The following TLE6 variants were observed in gnomAD, a reference collection of about 807,000 sequenced individuals.
TLE6 encodes transducin-like enhancer protein 6.
In TLE6, 72 loss-of-function variants were observed where a neutral mutation model predicts 77.1. That is an observed-to-expected ratio of 0.93 (90% CI 0.77 to 1.14). TLE6 has a LOEUF of 1.14. Ranked by LOEUF, TLE6 falls within the 50% of genes most tolerant of loss-of-function variation. TLE6 has a pLI of 0.00. For synonymous variants in TLE6, 366 were observed against 287.3 expected (o/e 1.27, Z -2.77); for missense variants, 843 against 747.6 (o/e 1.13, Z -1.49).
At position 2,986,716 on chromosome 19, in the gene TLE6, A is replaced by C. The variant is rs1248361329; in HGVS notation, c.223-113A>C. 3.5e-4 allele frequency: 394 copies of C among 1,141,012 alleles called. 2 individuals carry two copies. The highest frequency in any genetic ancestry group is 1.0e-5 in the Non-Finnish European group (8 of 802,744). The allele number at this position is 1,141,012 out of a possible 1,614,324, so 70.7% of individuals were successfully genotyped here. On this transcript the variant is annotated intron_variant, in intron 5 of 16. Transcript: ENST00000246112. ...GTGACAGAGTGAGACTCTGTCTCAA[A>C]AAAACAAGTAGATTGATATACCTTC...
At position 2,995,013 on chromosome 19, in the gene TLE6, G is replaced by A. The variant is rs1272045331; in HGVS notation, c.*9G>A. The stretch of plus-strand genomic sequence containing the variant: ...ACCAGATCACCTACTGAGGGGCCTC[G>A]CTGCTGTCATCCCACTCCGGCTCCT... On this transcript the variant is annotated 3_prime_UTR_variant, in exon 17 of 17. Transcript: ENST00000246112. 5 of 1,573,332 alleles carry A rather than the reference G, an allele frequency of 3.2e-6. No homozygotes were observed. Among genetic ancestry groups the A allele is most frequent in the African/African-American group, 2.7e-5 (2 of 74,060 alleles).
At chr19:2,980,916 T>C (rs2088785170) in intron 3 of TLE6, among the ~76,000 whole-genome samples, 1 of 151,258 alleles carries the variant, frequency 6.6e-6, no homozygotes, top group Non-Finnish European at 1.5e-5. Context: ...CTGAGTGTGG[T>C]GGTGCACACC....
At chr19:2,983,987 C>T (rs10425323) in intron 5 of TLE6, 5,929 of 152,328 alleles carry the variant, frequency 0.039, 406 homozygotes, top group African/African-American at 0.13. Context: ...CCAGCCCCCA[C>T]TGCAGGGGGC....
rs879326924 is a variant in TLE6 at position 2,978,138 on chromosome 19, C to T, written c.-36-60C>T. 9.5e-6 allele frequency: 13 copies of T among 1,367,316 alleles called. No individual in the cohort carries two copies. In the Admixed American group the frequency reaches 1.6e-4, roughly 17 times the overall value. 84.7% of individuals were successfully genotyped at this position (1,367,316 alleles called of 1,614,324 possible). ...TGCGGGTGGGGTAACGGGTGCCTTG[C>T]TTCCCTGGCACTGCCTTATTTTCTG... On this transcript the variant is annotated intron_variant, in intron 1 of 16. Coordinates refer to ENST00000246112, the MANE Select transcript of TLE6 (RefSeq NM_001143986.2).
chr19:2,978,380 C>A, intron 2 of TLE6, 96 bp downstream of exon 2: 1 of 1,241,874 alleles, frequency 8.1e-7, no homozygotes, highest in Non-Finnish European at 1.1e-6. Flanking sequence ...TGGCCCCGCC[C>A]AGGCCTCGCA....
At chr19:2,986,365 G>A (rs1284464673) in intron 5 of TLE6, among the ~76,000 whole-genome samples, 2 of 151,930 alleles carry the variant, frequency 1.3e-5, no homozygotes, top group African/African-American at 4.8e-5. Flanking sequence ...GCAGTGAGCT[G>A]TAATCGCACC....
At chr19:2,994,281 G>A (rs1167894824) in intron 16 of TLE6, among the ~76,000 whole-genome samples, 186 bp downstream of exon 16, 1 of 151,712 alleles carries the variant, frequency 6.6e-6, no homozygotes, top group African/African-American at 2.4e-5. Context: ...TTCGAGACCA[G>A]CCTGGCCAAC....
rs144994820 is a variant in TLE6 at position 2,995,056 on chromosome 19, T to TTCC, written c.*52_*53insTCC. On this transcript the variant is annotated 3_prime_UTR_variant, in exon 17 of 17. Coordinates refer to ENST00000246112, the MANE Select transcript of TLE6 (RefSeq NM_001143986.2). The stretch of plus-strand genomic sequence containing the variant: ...CGGCTCCTCTTTTCATCCCCCCCCT[T>TTCC]CCCCCCCCCCAACAAGGGGGACATG... The TTCC allele has an allele frequency of 1.2e-6, 1 of 827,280 alleles. No homozygotes were observed. Among genetic ancestry groups the TTCC allele is most frequent in the Non-Finnish European group, 1.9e-6 (1 of 533,534 alleles). 51.2% of individuals were successfully genotyped at this position (827,280 alleles called of 1,614,324 possible).
At chr19:2,984,158 G>T (rs1433184681) in intron 5 of TLE6, 2 of 152,280 alleles carry the variant, frequency 1.3e-5, no homozygotes, top group Non-Finnish European at 2.9e-5. Flanking sequence ...ACTCTCCCCC[G>T]GGAGGGCTGC....
In TLE6 at chr19:2,995,145, C is replaced by G. The variant is rs897061277; in HGVS notation, c.*141C>G. Reference sequence around the variant, plus strand: ...GATCTAGTCTGTGGTGTAGACTGGTCGCCATCACGTGTAATAAAGCACCCG... The same window carrying G: ...GATCTAGTCTGTGGTGTAGACTGGTGGCCATCACGTGTAATAAAGCACCCG... On this transcript the variant is annotated 3_prime_UTR_variant, in exon 17 of 17. Coordinates refer to ENST00000246112, the MANE Select transcript of TLE6 (RefSeq NM_001143986.2). 5.8e-5 allele frequency: 31 copies of G among 532,122 alleles called. No individual in the cohort carries two copies. Among genetic ancestry groups the G allele is most frequent in the East Asian group, 1.2e-4 (4 of 32,382 alleles). 33.0% of individuals were successfully genotyped at this position (532,122 alleles called of 1,614,324 possible). A position where few individuals can be genotyped will look rare whatever the true frequency, so the allele number is the denominator to read the frequency against.
At position 2,989,106 on chromosome 19, in the gene TLE6, T is replaced by G. The variant is rs776485299; in HGVS notation, c.786T>G (p.Asp262Glu). 1 of 1,614,178 alleles carries G rather than the reference T, an allele frequency of 6.2e-7. No homozygotes were observed. The highest frequency in any genetic ancestry group is 8.5e-7 in the Non-Finnish European group (1 of 1,180,052). ...EDFEDAWKRP[D>E]ALPGQSKRLA... ...TTGAAGATGCATGGAAGAGGCCAGA[T>G]GCCTTGCCCGGGCAGTCAAAGAGAC... The change falls in exon 12 of 17, where the codon GAT (aspartate) becomes GAG (glutamate). Residue 262 changes from aspartate (D) to glutamate (E), a missense_variant. Physicochemically the swap from Asp to Glu is conservative, Grantham distance 45. Transcript: ENST00000246112.
In TLE6 at chr19:2,989,042, CA is replaced by C; in HGVS notation, c.741-17del. 1.2e-6 allele frequency: 2 copies of C among 1,609,710 alleles called. No individual in the cohort carries two copies. Among genetic ancestry groups the C allele is most frequent in the Non-Finnish European group, 1.7e-6 (2 of 1,176,558 alleles). On this transcript the variant is annotated intron_variant, in intron 11 of 16. Transcript: ENST00000246112. The stretch of plus-strand genomic sequence containing the variant: ...GGGCTCACAAGCAGGTCAGTTACCC[CA>C]AGGCCTCCCCTCCCAAGATCCTGGG...
rs201015790 is a variant in TLE6, at chr19:2,989,636, G to A, written c.1095G>A (p.Ala365=). Residue 365 remains alanine, a synonymous_variant, in exon 13 of 17, where the codon GCG becomes GCA. Coordinates refer to ENST00000246112, the MANE Select transcript of TLE6 (RefSeq NM_001143986.2). Reference sequence around the variant, plus strand: ...CCAGCGTGAGCGTGTGGGACCTGGCGGCGCCCTCCCTGCATGTGAAGGAGC... The same window carrying A: ...CCAGCGTGAGCGTGTGGGACCTGGCAGCGCCCTCCCTGCATGTGAAGGAGC... The part of the protein sequence containing the change: ...NLASVSVWDL[A]APSLHVKEQL... The A allele has an allele frequency of 6.3e-4, 1,020 of 1,614,136 alleles. 1 individual carries two copies. Among genetic ancestry groups the A allele is most frequent in the Non-Finnish European group, 8.3e-4 (984 of 1,180,026 alleles).
chr19:2,994,923 G>T lies in TLE6; in HGVS notation c.1638G>T (p.Thr546=). 1 of 1,601,902 alleles carries T rather than the reference G, an allele frequency of 6.2e-7. No individual in the cohort carries two copies. Among genetic ancestry groups the T allele is most frequent in the Non-Finnish European group, 8.5e-7 (1 of 1,174,396 alleles). The change falls in exon 17 of 17, where the codon ACG becomes ACT. Residue 546 remains threonine, a synonymous_variant. Coordinates refer to ENST00000246112, the MANE Select transcript of TLE6 (RefSeq NM_001143986.2). ...VFEVPEMSPV[T]CCDVSSNNRL... The stretch of plus-strand genomic sequence containing the variant: ...AGGTGCCTGAGATGTCTCCAGTCAC[G>T]TGCTGTGACGTCTCTTCCAACAACC...
In TLE6 at chr19:2,989,232, T is replaced by C. The variant is rs111314562; in HGVS notation, c.912T>C (p.Cys304=). The C allele has an allele frequency of 6.2e-7, 1 of 1,614,052 alleles. No homozygotes were observed. ...ISSFTRHVFT[C]GRRGIKVWSL... is the part of the protein sequence containing the mutation. Reference sequence around the variant, plus strand: ...GCTTCACGCGGCACGTGTTCACCTGTGGCAGAAGAGGCATCAAGGTGTGGA... The same window carrying C: ...GCTTCACGCGGCACGTGTTCACCTGCGGCAGAAGAGGCATCAAGGTGTGGA... The change falls in exon 12 of 17, where the codon TGT becomes TGC. Residue 304 remains cysteine, a synonymous_variant. Coordinates refer to ENST00000246112, the MANE Select transcript of TLE6 (RefSeq NM_001143986.2).
chr19:2,993,291 C>T (rs913475372), intron 14 of TLE6, 141 bp from the exon 15 acceptor site: 18 of 748,808 alleles, frequency 2.4e-5, no homozygotes, highest in Non-Finnish European at 3.5e-5. Context: ...GGCACAGATA[C>T]GAAGTTGCTT....
At position 2,994,895 on chromosome 19, in the gene TLE6, TC is replaced by T; in HGVS notation, c.1615-3del. 1 of 1,584,422 alleles carries T rather than the reference TC, an allele frequency of 6.3e-7. No homozygotes were observed. The highest frequency in any genetic ancestry group is 1.2e-5 in the South Asian group (1 of 86,924). Reference sequence around the variant, plus strand: ...CCAGCTCACTGCCCACTGCCCCCCCTCCAGGTGCCTGAGATGTCTCCAGTCA... The same window carrying T: ...CCAGCTCACTGCCCACTGCCCCCCCTCAGGTGCCTGAGATGTCTCCAGTCA... On this transcript the variant is annotated splice_region_variant and splice_polypyrimidine_tract_variant and intron_variant, in intron 16 of 16. Coordinates refer to ENST00000246112, the MANE Select transcript of TLE6 (RefSeq NM_001143986.2).
chr19:2,978,312 C>A, intron 2 of TLE6, 28 bp downstream of exon 2: 1 of 1,550,750 alleles, frequency 6.4e-7, no homozygotes, highest in South Asian at 1.2e-5. Context: ...TGGGATCAGC[C>A]CTCAAGGGAA....
At chr19:2,991,806 C>A in intron 13 of TLE6, 37 bp from the exon 14 acceptor site, 1 of 1,610,524 alleles carries the variant, frequency 6.2e-7, no homozygotes, top group Non-Finnish European at 8.5e-7. Context: ...ACCTCAGAGT[C>A]TTGACCTGAT....
Sources: allele counts gnomAD v4.1 joint callset (sites outside exome capture counted in the v4.1 genomes callset), GRCh38; gene constraint gnomAD v4.1.1; transcripts MANE v1.5; gene names NCBI Gene and HGNC (gene_info 2026-07-23, HGNC 2026-07-21).